The following OPCML variants were observed in gnomAD, a reference collection of about 807,000 sequenced individuals.
The protein encoded by OPCML is opioid-binding protein/cell adhesion molecule.
Under a neutral mutation model 37.8 loss-of-function variants are expected in OPCML, and 13 were observed. That is an observed-to-expected ratio of 0.34 (90% CI 0.22 to 0.55). The LOEUF (loss-of-function observed/expected upper bound fraction) is 0.55. Ranked by LOEUF, OPCML falls within the 20% of genes least tolerant of loss-of-function variation. The pLI is 0.91. For missense variants in OPCML, 341 were observed against 435.6 expected (o/e 0.78, Z 1.93); for synonymous variants, 176 against 168.8 (o/e 1.04, Z -0.33).
intron 2 of OPCML, among the ~76,000 whole-genome samples, chr11:132,724,571 C>T (rs1312056980): frequency 7.9e-5 from 12 of 152,112 alleles, no homozygotes; most frequent in African/African-American, 2.9e-4. Context: ...CCCCACAAAT[C>T]TCATGTCTTC....
intron 2 of OPCML, among the ~76,000 whole-genome samples, chr11:132,754,132 GC>G (rs1945945514): frequency 6.6e-6 from 1 of 152,150 alleles, no homozygotes; most frequent in Non-Finnish European, 1.5e-5. Flanking sequence ...TAGAAAGTCA[GC>G]CCTTCAGCAT....
intron 3 of OPCML, among the ~76,000 whole-genome samples, chr11:132,563,108 C>G (rs1432503446): frequency 1.3e-5 from 2 of 152,162 alleles, no homozygotes; most frequent in African/African-American, 4.8e-5. Flanking sequence ...TTTTTCTGTT[C>G]ATTAAGATAA....
intron 4 of OPCML, among the ~76,000 whole-genome samples, chr11:132,472,123 C>A (rs2136964337): frequency 6.6e-6 from 1 of 152,326 alleles, no homozygotes; most frequent in East Asian, 1.9e-4. Context: ...TAATAACCAA[C>A]ATACATACAT....
chr11:132,635,630 ATACT>A (rs997429281), intron 3 of OPCML, among the ~76,000 whole-genome samples: 1 of 152,010 alleles, frequency 6.6e-6, no homozygotes, highest in Non-Finnish European at 1.5e-5. Context: ...GCTGACAGAC[ATACT>A]TAATCTATTA....
At chr11:132,617,138 T>C (rs1939081846) in intron 3 of OPCML, among the ~76,000 whole-genome samples, 1 of 152,244 alleles carries the variant, frequency 6.6e-6, no homozygotes, top group Non-Finnish European at 1.5e-5. Context: ...CTATATCTTC[T>C]GGATACCAAA....
At chr11:132,688,085 G>T (rs1943240933) in intron 2 of OPCML, among the ~76,000 whole-genome samples, 1 of 151,902 alleles carries the variant, frequency 6.6e-6, no homozygotes, top group Non-Finnish European at 1.5e-5. Flanking sequence ...AGGGACATTT[G>T]CTAGGATTCC....
At chr11:133,503,918 G>T (rs1565672095) in intron 1 of OPCML, among the ~76,000 whole-genome samples, 1 of 152,178 alleles carries the variant, frequency 6.6e-6, no homozygotes, top group East Asian at 1.9e-4. Context: ...GAGATGGACA[G>T]CCAGAAGTGT....
At chr11:132,673,453 G>A (rs901970204) in intron 2 of OPCML, among the ~76,000 whole-genome samples, 4 of 152,102 alleles carry the variant, frequency 2.6e-5, no homozygotes, top group African/African-American at 9.7e-5. Flanking sequence ...CTATTTTCAG[G>A]AGTGAGAATC....
At chr11:132,499,608 T>G (rs73586926) in intron 4 of OPCML, among the ~76,000 whole-genome samples, 1 of 152,168 alleles carries the variant, frequency 6.6e-6, no homozygotes, top group Non-Finnish European at 1.5e-5. Flanking sequence ...GGAACTTGCA[T>G]GCCTGGGATT....
chr11:133,362,810 C>A (rs1944453204), intron 1 of OPCML, among the ~76,000 whole-genome samples: 1 of 152,142 alleles, frequency 6.6e-6, no homozygotes, highest in Non-Finnish European at 1.5e-5. Context: ...CACTGTCCCA[C>A]GTCCTAATCC....
intron 1 of OPCML, among the ~76,000 whole-genome samples, chr11:133,282,159 A>G (rs901647877): frequency 4.6e-5 from 7 of 152,190 alleles, no homozygotes; most frequent in African/African-American, 1.4e-4. Flanking sequence ...GATTAACATG[A>G]CTAAAAGGGA....
At chr11:132,690,955 G>A (rs918022478) in intron 2 of OPCML, among the ~76,000 whole-genome samples, 39 of 152,152 alleles carry the variant, frequency 2.6e-4, no homozygotes, top group Non-Finnish European at 4.7e-4. Context: ...TAGGCTTTAC[G>A]AAACCTTTCA....
chr11:132,723,241 G>A (rs376019143), intron 2 of OPCML, among the ~76,000 whole-genome samples: 21 of 152,300 alleles, frequency 1.4e-4, no homozygotes, highest in Middle Eastern at 3.4e-3. Flanking sequence ...CACCAAAACC[G>A]TATATTAATG....
chr11:132,695,228 A>T (rs1591741350), intron 2 of OPCML, among the ~76,000 whole-genome samples: 1 of 152,136 alleles, frequency 6.6e-6, no homozygotes, highest in East Asian at 1.9e-4. Context: ...GGCCCCTTAG[A>T]ACTTTGCCTG....
Position 133,523,795 on chromosome 11 carries a change from C to T in OPCML, c.61+8469G>A, listed in dbSNP as rs114165808. ...GCTATGGGACTTTGCCCGTCCTGTTCATTCTGCCTCTTCCTTTGGTCTTTG... is the reference window on the plus strand; with the variant it reads ...GCTATGGGACTTTGCCCGTCCTGTTTATTCTGCCTCTTCCTTTGGTCTTTG... On this transcript the variant is annotated intron_variant, in intron 1 of 7. Transcript: ENST00000524381. 7.0e-3 allele frequency among the ~76,000 whole-genome samples: 1,071 copies of T among 152,274 alleles called. 17 individuals carry two copies. Among genetic ancestry groups the T allele is most frequent in the African/African-American group, 0.024 (1,005 of 41,544 alleles).
intron 1 of OPCML, among the ~76,000 whole-genome samples, chr11:133,153,920 G>A (rs1307023460): frequency 6.6e-6 from 1 of 152,126 alleles, no homozygotes; most frequent in Admixed American, 6.6e-5. Flanking sequence ...AGTGAGACAC[G>A]TTGTCACAGC....
intron 2 of OPCML, among the ~76,000 whole-genome samples, chr11:132,845,302 T>C (rs1329689775): frequency 6.6e-6 from 1 of 152,186 alleles, no homozygotes; most frequent in Non-Finnish European, 1.5e-5. Context: ...TACCGCATGC[T>C]TAGGCCACTC....
chr11:132,968,974 T>C (rs1417397479), intron 1 of OPCML, among the ~76,000 whole-genome samples: 2 of 152,178 alleles, frequency 1.3e-5, no homozygotes, highest in Non-Finnish European at 2.9e-5. Flanking sequence ...GTTTTCACCT[T>C]CATTTTTTTA....
chr11:133,103,096 C>T (rs961323020), intron 1 of OPCML, among the ~76,000 whole-genome samples: 1 of 152,156 alleles, frequency 6.6e-6, no homozygotes, highest in Non-Finnish European at 1.5e-5. Context: ...AAAATTAATA[C>T]CAAAACCACA....
Sources: gnomAD v4.1 joint callset for allele counts (sites outside exome capture counted in the v4.1 genomes callset) on GRCh38, gnomAD v4.1.1 for gene constraint, MANE v1.5 for transcripts, NCBI Gene and HGNC (gene_info 2026-07-23, HGNC 2026-07-21) for gene names.